The following SPATS2 variants were observed in gnomAD, a reference collection of about 807,000 sequenced individuals.
SPATS2 encodes spermatogenesis-associated serine-rich protein 2.
Under a neutral mutation model 63.7 loss-of-function variants are expected in SPATS2, and 38 were observed. That is an observed-to-expected ratio of 0.60 (90% CI 0.46 to 0.78). The LOEUF (loss-of-function observed/expected upper bound fraction) is 0.78, where lower values mean the gene tolerates loss of function less well. Ranked by LOEUF, SPATS2 falls within the 30% of genes least tolerant of loss-of-function variation. The pLI, the probability that SPATS2 is intolerant of heterozygous loss-of-function variation, is 0.00. For missense variants in SPATS2, 588 were observed against 666.2 expected (o/e 0.88, Z 1.29); for synonymous variants, 207 against 232.9 (o/e 0.89, Z 1.01).
At chr12:49,380,714 AAT>A (rs577772762) in intron 2 of SPATS2, among the ~76,000 whole-genome samples, 3 of 151,226 alleles carry the variant, frequency 2.0e-5, no homozygotes, top group East Asian at 1.9e-4. Context: ...TCAAAAAAAA[AAT>A]ATATATATAT....
At chr12:49,497,806 A>T (rs1946489788) in intron 8 of SPATS2, among the ~76,000 whole-genome samples, 1 of 151,914 alleles carries the variant, frequency 6.6e-6, no homozygotes, top group Non-Finnish European at 1.5e-5. Context: ...ATTTTCTCTT[A>T]AGTATGTGGC....
At chr12:49,400,678 A>G (rs1944589932) in intron 2 of SPATS2, among the ~76,000 whole-genome samples, 1 of 152,114 alleles carries the variant, frequency 6.6e-6, no homozygotes, top group Non-Finnish European at 1.5e-5. Flanking sequence ...GGCAGCAACT[A>G]GGAGTAAGCA....
At chr12:49,517,413 G>GT (rs1457726172) in intron 10 of SPATS2, among the ~76,000 whole-genome samples, 3 of 152,074 alleles carry the variant, frequency 2.0e-5, no homozygotes, top group Non-Finnish European at 2.9e-5. Context: ...TAAAACTTCT[G>GT]TTTTTTTCTG....
rs187070785 is a variant in SPATS2 at position 49,442,917 on chromosome 12, C to T, written c.-243-17853C>T. Reference sequence around the variant, plus strand: ...TAAACATCCTCACTCTCTCCTTTCCCTCCAGCCCCCAGCAACTACCATTCT... The same window carrying T: ...TAAACATCCTCACTCTCTCCTTTCCTTCCAGCCCCCAGCAACTACCATTCT... On this transcript the variant is annotated intron_variant, in intron 2 of 13. Transcript: ENST00000552918. Among the ~76,000 whole-genome samples the T allele has an allele frequency of 2.6e-4, 39 of 151,772 alleles. 1 individual carries two copies. In the East Asian group the frequency reaches 7.4e-3, roughly 29 times the overall value.
At chr12:49,456,298 T>C (rs537445285) in intron 2 of SPATS2, among the ~76,000 whole-genome samples, 2 of 152,064 alleles carry the variant, frequency 1.3e-5, no homozygotes, top group South Asian at 4.2e-4. Flanking sequence ...CTGAAGGAGA[T>C]TGAGGAAGTA....
intron 9 of SPATS2, among the ~76,000 whole-genome samples, chr12:49,509,146 T>C (rs1050931376): frequency 4.0e-5 from 6 of 151,772 alleles, no homozygotes; most frequent in African/African-American, 1.5e-4. Flanking sequence ...AATATCATCA[T>C]TGAGTCACAT....
intron 3 of SPATS2, among the ~76,000 whole-genome samples, chr12:49,475,424 A>ATTC: frequency 6.7e-6 from 1 of 149,914 alleles, no homozygotes; most frequent in Admixed American, 6.6e-5. Flanking sequence ...TACTGGTAGA[A>ATTC]TTCTTGTTGT....
intron 12 of SPATS2, 47 bp from the exon 13 acceptor site, chr12:49,524,635 G>A (rs1428922647): frequency 6.3e-7 from 1 of 1,576,036 alleles, no homozygotes; most frequent in Non-Finnish European, 8.7e-7. Flanking sequence ...CTTATCCATT[G>A]TGCTGTTCTA....
chr12:49,460,774 T>C lies in SPATS2; in HGVS notation c.-239T>C. ...TGTTTGTGTTTTTCCCTCCAGAATCTCCCTGGAAAAGGAGACATGAATGTC... is the reference window on the plus strand; with the variant it reads ...TGTTTGTGTTTTTCCCTCCAGAATCCCCCTGGAAAAGGAGACATGAATGTC... On this transcript the variant is annotated 5_prime_UTR_variant, in exon 3 of 14. Transcript: ENST00000552918. The C allele has an allele frequency of 3.6e-6, 2 of 551,082 alleles. No individual in the cohort carries two copies. The highest frequency in any genetic ancestry group is 3.4e-5 in the Admixed American group (1 of 29,506). 34.1% of individuals were successfully genotyped at this position (551,082 alleles called of 1,614,324 possible).
At chr12:49,443,528 T>C (rs1023946710) in intron 2 of SPATS2, among the ~76,000 whole-genome samples, 2 of 152,128 alleles carry the variant, frequency 1.3e-5, no homozygotes, top group African/African-American at 2.4e-5. Flanking sequence ...TTTTTTTTCT[T>C]TTATAGATTG....
chr12:49,405,513 A>G lies in SPATS2; in HGVS notation c.-244+34223A>G, dbSNP rs141463716. Reference sequence around the variant, plus strand: ...AGGAGTTTAAAACACAGCCTGGCCAATGTGGCAAAACCCCGTCTTTACTAA... The same window carrying G: ...AGGAGTTTAAAACACAGCCTGGCCAGTGTGGCAAAACCCCGTCTTTACTAA... On this transcript the variant is annotated intron_variant, in intron 2 of 13. Coordinates refer to ENST00000552918, the MANE Select transcript of SPATS2 (RefSeq NM_023071.4). 3.3e-5 allele frequency among the ~76,000 whole-genome samples: 5 copies of G among 152,280 alleles called. No homozygotes were observed. In the East Asian group the frequency reaches 9.7e-4, roughly 29 times the overall value.
chr12:49,520,829 G>A (rs1042973975), intron 11 of SPATS2, among the ~76,000 whole-genome samples: 3 of 150,616 alleles, frequency 2.0e-5, no homozygotes, highest in Non-Finnish European at 3.0e-5. Flanking sequence ...AGCGATTCTC[G>A]TGCCTCAGCC....
At chr12:49,428,329 A>T (rs1254723698) in intron 2 of SPATS2, among the ~76,000 whole-genome samples, 1 of 151,616 alleles carries the variant, frequency 6.6e-6, no homozygotes, top group Non-Finnish European at 1.5e-5. Context: ...TTACCATTTT[A>T]ACCATTTTGA....
At chr12:49,398,326 A>G (rs1487477452) in intron 2 of SPATS2, among the ~76,000 whole-genome samples, 1 of 152,048 alleles carries the variant, frequency 6.6e-6, no homozygotes, top group Non-Finnish European at 1.5e-5. Flanking sequence ...GGAGAATGAC[A>G]CGAACAGGCT....
intron 4 of SPATS2, among the ~76,000 whole-genome samples, chr12:49,488,649 C>T (rs1239287687): frequency 2.0e-5 from 3 of 151,876 alleles, no homozygotes; most frequent in Non-Finnish European, 4.4e-5. Context: ...CAGAGCGAGA[C>T]TGTCTCAAAA....
chr12:49,402,083 C>G (rs1315335570), intron 2 of SPATS2, among the ~76,000 whole-genome samples: 1 of 152,178 alleles, frequency 6.6e-6, no homozygotes, highest in African/African-American at 2.4e-5. Context: ...CTCAGTTGAT[C>G]CTTCTTCCTC....
chr12:49,498,692 T>C (rs1946509465), intron 8 of SPATS2, among the ~76,000 whole-genome samples: 1 of 152,066 alleles, frequency 6.6e-6, no homozygotes, highest in Non-Finnish European at 1.5e-5. Flanking sequence ...ATTGTTTTAT[T>C]TGTCTCTAGA....
intron 9 of SPATS2, among the ~76,000 whole-genome samples, chr12:49,500,532 G>A (rs1200060192): frequency 6.6e-6 from 1 of 152,058 alleles, no homozygotes; most frequent in African/African-American, 2.4e-5. Flanking sequence ...CAGTACTTTG[G>A]GAGGCCGAGG....
At chr12:49,401,921 C>T (rs996336000) in intron 2 of SPATS2, among the ~76,000 whole-genome samples, 1 of 152,136 alleles carries the variant, frequency 6.6e-6, no homozygotes, top group African/African-American at 2.4e-5. Flanking sequence ...TGGTCTTGAA[C>T]TCCTGACCTC....
Sources: gnomAD v4.1 joint callset for allele counts (sites outside exome capture counted in the v4.1 genomes callset) on GRCh38, gnomAD v4.1.1 for gene constraint, MANE v1.5 for transcripts, NCBI Gene and HGNC (gene_info 2026-07-23, HGNC 2026-07-21) for gene names.